Variants in SLC8A1 observed in about 807,000 individuals in gnomAD.
The protein encoded by SLC8A1 is solute carrier family 8 member A1.
SLC8A1 carries 18 observed loss-of-function variants against 68.3 expected under a neutral mutation model. The observed-to-expected ratio is 0.26, with a 90% confidence interval of 0.18 to 0.39. The LOEUF (loss-of-function observed/expected upper bound fraction) is 0.39, where lower values mean the gene tolerates loss of function less well. SLC8A1 is among the 10% of genes least tolerant of loss of function. The pLI is 1.00. For synonymous variants in SLC8A1, 475 were observed against 415.5 expected, an observed-to-expected ratio of 1.14 and a Z score of -1.74; for missense variants, 985 against 1,156.7, an observed-to-expected ratio of 0.85 and a Z score of 2.15.
chr2:40,253,715 TACTCGGGAG>T (rs918730168), intron 2 of SLC8A1, among the ~76,000 whole-genome samples: 10 of 151,172 alleles, frequency 6.6e-5, no homozygotes, highest in Admixed American at 2.0e-4. Context: ...TAATCCCAGC[TACTCGGGAG>T]GCTGAGGCAG....
At chr2:40,209,593 T>C (rs571105818) in intron 2 of SLC8A1, among the ~76,000 whole-genome samples, 107 of 152,218 alleles carry the variant, frequency 7.0e-4, no homozygotes, top group African/African-American at 2.5e-3. Context: ...GGAGAACAGA[T>C]TGTAGAGATA....
intron 2 of SLC8A1, among the ~76,000 whole-genome samples, chr2:40,346,323 C>T (rs1669288735): frequency 1.3e-5 from 2 of 152,268 alleles, no homozygotes; most frequent in South Asian, 4.1e-4. Context: ...TTTCTTACCA[C>T]ATAATGAGAA....
At chr2:40,468,487 C>T (rs192464435) in intron 1 of SLC8A1, among the ~76,000 whole-genome samples, 10 of 152,130 alleles carry the variant, frequency 6.6e-5, no homozygotes, top group African/African-American at 9.6e-5. Context: ...TTCTGAAACA[C>T]GAATAATTTT....
At chr2:40,406,019 T>C (rs1343741408) in intron 2 of SLC8A1, among the ~76,000 whole-genome samples, 1 of 152,202 alleles carries the variant, frequency 6.6e-6, no homozygotes, top group African/African-American at 2.4e-5. Flanking sequence ...CTGTATTCTA[T>C]ACATACAACA....
At position 40,357,517 on chromosome 2, in the gene SLC8A1, A is replaced by C. The variant is rs1673073485; in HGVS notation, c.1808+70956T>G. On this transcript the variant is annotated intron_variant, in intron 2 of 7. Coordinates refer to ENST00000406785, the Ensembl canonical transcript of SLC8A1. ...GTCTTTAAAAAAAAAAAAAAAAAAA[A>C]CACAAGATGTAAACAGTAATATTTC... 6.0e-5 allele frequency among the ~76,000 whole-genome samples: 9 copies of C among 151,132 alleles called. No homozygotes were observed. In the South Asian group the frequency reaches 1.9e-3, roughly 32 times the overall value.
chr2:40,118,081 T>C (rs1189947235), intron 7 of SLC8A1, among the ~76,000 whole-genome samples: 2 of 152,212 alleles, frequency 1.3e-5, no homozygotes, highest in Non-Finnish European at 2.9e-5. Context: ...CTAGGCACTA[T>C]GCTACACAGG....
chr2:40,262,160 A>G (rs1302397563), intron 2 of SLC8A1, among the ~76,000 whole-genome samples: 1 of 152,018 alleles, frequency 6.6e-6, no homozygotes, highest in Non-Finnish European at 1.5e-5. Context: ...ACGGGGTTTC[A>G]CCATGTTGGC....
At chr2:40,260,684 G>A (rs1283959574) in intron 2 of SLC8A1, among the ~76,000 whole-genome samples, 1 of 151,396 alleles carries the variant, frequency 6.6e-6, no homozygotes, top group Admixed American at 6.6e-5. Flanking sequence ...CTCTAGTTGT[G>A]ATATAGTCTG....
intron 2 of SLC8A1, among the ~76,000 whole-genome samples, chr2:40,212,907 G>C (rs1383268543): frequency 1.3e-5 from 2 of 152,168 alleles, no homozygotes; most frequent in Non-Finnish European, 2.9e-5. Context: ...AAGCATGTGT[G>C]TGTAGGGGGG....
chr2:40,359,906 A>G (rs1325628928), intron 2 of SLC8A1, among the ~76,000 whole-genome samples: 2 of 148,418 alleles, frequency 1.3e-5, no homozygotes, highest in South Asian at 4.3e-4. Flanking sequence ...TCTGGTTTTA[A>G]ATATCTTTTA....
At chr2:40,419,507 C>T (rs1694865028) in intron 2 of SLC8A1, among the ~76,000 whole-genome samples, 1 of 151,990 alleles carries the variant, frequency 6.6e-6, no homozygotes, top group South Asian at 2.1e-4. Context: ...CCTACCTCTC[C>T]TTCTTACTCA....
chr2:40,280,124 G>C (rs1211461465), intron 2 of SLC8A1, among the ~76,000 whole-genome samples: 1 of 151,872 alleles, frequency 6.6e-6, no homozygotes, highest in African/African-American at 2.4e-5. Flanking sequence ...TGCTTTTAAA[G>C]ATTATCTCTG....
At chr2:40,103,944 A>C (rs1157753091) in exon 8 of SLC8A1, 1 of 152,214 alleles carries the variant, frequency 6.6e-6, no homozygotes, top group Non-Finnish European at 1.5e-5. Flanking sequence ...GATAACAGGG[A>C]AACACTGACC....
intron 1 of SLC8A1, among the ~76,000 whole-genome samples, chr2:40,442,157 A>G (rs1264970657): frequency 1.3e-5 from 2 of 151,750 alleles, no homozygotes; most frequent in East Asian, 3.9e-4. Flanking sequence ...TATGTAACTA[A>G]CCTGCACATT....
chr2:40,244,565 CAA>C (rs70957161), intron 2 of SLC8A1, among the ~76,000 whole-genome samples: 3,368 of 127,464 alleles, frequency 0.026, 121 homozygotes, highest in African/African-American at 0.089. Context: ...TATGAAAAAC[CAA>C]AAAAAAAAAA....
At chr2:40,368,127 G>A (rs1676855191) in intron 2 of SLC8A1, among the ~76,000 whole-genome samples, 1 of 151,988 alleles carries the variant, frequency 6.6e-6, no homozygotes, top group Admixed American at 6.6e-5. Context: ...TTTAATCATT[G>A]ATAAAAACGT....
At chr2:40,491,917 G>GC (rs1335798820) in intron 1 of SLC8A1, among the ~76,000 whole-genome samples, 6 of 152,054 alleles carry the variant, frequency 3.9e-5, no homozygotes, top group Non-Finnish European at 7.4e-5. Context: ...TGGCCATACT[G>GC]CCAAGGTAAT....
chr2:40,358,009 T>A (rs1159016544), intron 2 of SLC8A1, among the ~76,000 whole-genome samples: 3 of 148,970 alleles, frequency 2.0e-5, no homozygotes, highest in Non-Finnish European at 4.4e-5. Context: ...ACAAAATTAT[T>A]GTTGCTCAGT....
chr2:40,416,666 G>A (rs1367984846), intron 2 of SLC8A1, among the ~76,000 whole-genome samples: 1 of 152,018 alleles, frequency 6.6e-6, no homozygotes, highest in Non-Finnish European at 1.5e-5. Flanking sequence ...CAAAGCTGCT[G>A]GTCTGGTCTA....
Sources: allele counts gnomAD v4.1 joint callset (sites outside exome capture counted in the v4.1 genomes callset), GRCh38; gene constraint gnomAD v4.1.1; transcripts MANE v1.5; gene names NCBI Gene and HGNC (gene_info 2026-07-23, HGNC 2026-07-21).